RFX8: variants seen among roughly 807,000 people sequenced by gnomAD.
The protein encoded by RFX8 is DNA-binding protein RFX8.
A neutral mutation model predicts 54.6 loss-of-function variants in RFX8; 46 were observed. The ratio of observed to expected loss-of-function variants is 0.84; its 90% confidence interval spans 0.67 to 1.08. The LOEUF (loss-of-function observed/expected upper bound fraction) is 1.08, where lower values mean the gene tolerates loss of function less well. RFX8 is among the 50% of genes least tolerant of loss of function. The probability of loss-of-function intolerance (pLI) is 0.00; values close to 1 mark genes in which losing one functional copy is unlikely to be tolerated. For missense variants in RFX8, 536 were observed against 562.3 expected (o/e 0.95, Z 0.47); for synonymous variants, 192 against 209.5 (o/e 0.92, Z 0.72).
At chr2:101,452,459 G>C (rs1324619260) in intron 2 of RFX8, 2 of 1,308,704 alleles carry the variant, frequency 1.5e-6, no homozygotes, top group East Asian at 6.2e-5. Flanking sequence ...AAAAGAATAA[G>C]CCAGATTTAA....
intron 9 of RFX8, among the ~76,000 whole-genome samples, chr2:101,407,935 C>A (rs1685840800): frequency 6.6e-6 from 1 of 152,208 alleles, no homozygotes; most frequent in Admixed American, 6.5e-5. Context: ...GCATCTCTGA[C>A]AAGCCCAAAG....
chr2:101,428,838 T>C, intron 2 of RFX8: 1 of 675,610 alleles, frequency 1.5e-6, no homozygotes, highest in Non-Finnish European at 2.6e-6. Flanking sequence ...GGGTGAATGG[T>C]TAGGGGCTAC....
intron 4 of RFX8, chr2:101,421,247 G>A (rs1430224555): frequency 1.0e-6 from 1 of 985,428 alleles, no homozygotes; most frequent in Admixed American, 6.1e-5. Flanking sequence ...ATGAAACTCA[G>A]AATAGCTGAA....
chr2:101,408,211 C>T (rs899083823), intron 9 of RFX8, among the ~76,000 whole-genome samples: 3 of 151,834 alleles, frequency 2.0e-5, no homozygotes, highest in South Asian at 2.1e-4. Context: ...GCTGGCCGGG[C>T]GCGGTGGCTC....
chr2:101,411,986 T>C (rs1289368218), intron 8 of RFX8, among the ~76,000 whole-genome samples: 1 of 152,158 alleles, frequency 6.6e-6, no homozygotes, highest in Non-Finnish European at 1.5e-5. Flanking sequence ...CAATGCTGGG[T>C]GGCCCAGGGT....
chr2:101,438,352 TACC>T (rs1687901130), intron 2 of RFX8, among the ~76,000 whole-genome samples: 1 of 152,256 alleles, frequency 6.6e-6, no homozygotes, highest in Middle Eastern at 3.2e-3. Flanking sequence ...TGTGTATATG[TACC>T]ACATTTTCTT....
rs192375034 is a variant in RFX8 at position 101,429,902 on chromosome 2, C to A, written c.73-7430G>T. Among the ~76,000 whole-genome samples the A allele has an allele frequency of 1.6e-3, 241 of 152,266 alleles. 4 individuals carry two copies. The highest frequency in any genetic ancestry group is 5.2e-3 in the African/African-American group (216 of 41,556). On this transcript the variant is annotated intron_variant, in intron 2 of 11. Transcript: ENST00000428343. Reference sequence around the variant, plus strand: ...GAGGTAGAGGAAAATGGCTTTCCTTCCAAATAGGATGGTTCTACGTCCTCC... The same window carrying A: ...GAGGTAGAGGAAAATGGCTTTCCTTACAAATAGGATGGTTCTACGTCCTCC...
rs564757939 is a variant in RFX8, at chr2:101,456,359, T to C, written c.72+10418A>G. ...ATATTGGCTGTGGATTTGTCATAAA[T>C]AGCTCTTCTTATTTTGAGATACGTT... is the stretch of plus-strand genomic sequence containing the variant. On this transcript the variant is annotated intron_variant, in intron 2 of 11. Coordinates refer to ENST00000428343, the MANE Select transcript of RFX8 (RefSeq NM_001145664.2). 3.9e-5 allele frequency among the ~76,000 whole-genome samples: 6 copies of C among 152,328 alleles called. No homozygotes were observed. In the East Asian group the frequency reaches 5.8e-4, roughly 15 times the overall value.
chr2:101,425,476 T>C (rs1041997734), intron 2 of RFX8, among the ~76,000 whole-genome samples: 1 of 152,218 alleles, frequency 6.6e-6, no homozygotes, highest in Admixed American at 6.5e-5. Context: ...GCTACAGAAA[T>C]GTCTACATTT....
intron 2 of RFX8, among the ~76,000 whole-genome samples, chr2:101,457,156 G>A (rs1464850601): frequency 1.3e-5 from 2 of 152,080 alleles, no homozygotes; most frequent in East Asian, 3.8e-4. Context: ...CAAAAAACCA[G>A]CTCTTGGATT....
chr2:101,468,736 GT>G (rs566966494), intron 1 of RFX8, among the ~76,000 whole-genome samples: 2 of 151,220 alleles, frequency 1.3e-5, no homozygotes, highest in South Asian at 4.2e-4. Flanking sequence ...GTGGACATGA[GT>G]TTTTTTTGGG....
At chr2:101,446,718 G>C (rs1399634454) in intron 2 of RFX8, among the ~76,000 whole-genome samples, 1 of 151,026 alleles carries the variant, frequency 6.6e-6, no homozygotes, top group African/African-American at 2.4e-5. Flanking sequence ...CCCTCTGAGT[G>C]CCGAGTGCCT....
chr2:101,470,612 C>T (rs1173417938), intron 1 of RFX8, among the ~76,000 whole-genome samples: 2 of 151,012 alleles, frequency 1.3e-5, no homozygotes, highest in African/African-American at 4.9e-5. Flanking sequence ...TGAGACCGTT[C>T]ATGATGTTCT....
At chr2:101,463,612 C>T (rs939149038) in intron 2 of RFX8, among the ~76,000 whole-genome samples, 10 of 152,204 alleles carry the variant, frequency 6.6e-5, no homozygotes, top group Admixed American at 5.2e-4. Context: ...AGCACGTGAC[C>T]ACTGAAAAGG....
intron 1 of RFX8, among the ~76,000 whole-genome samples, chr2:101,470,141 C>T (rs910511450): frequency 2.0e-5 from 3 of 152,248 alleles, no homozygotes; most frequent in East Asian, 1.9e-4. Context: ...CACACACATA[C>T]CCCGGGCTTT....
chr2:101,409,623 C>T (rs940937922), intron 9 of RFX8, among the ~76,000 whole-genome samples: 25 of 152,268 alleles, frequency 1.6e-4, no homozygotes, highest in African/African-American at 5.3e-4. Context: ...CCTCAACCTC[C>T]CGAGTAGCTG....
At chr2:101,466,648 G>C in intron 2 of RFX8, 129 bp downstream of exon 2, 1 of 728,082 alleles carries the variant, frequency 1.4e-6, no homozygotes, top group Non-Finnish European at 2.5e-6. Flanking sequence ...TGACCAGCTG[G>C]TGGGAAGGAA....
intron 1 of RFX8, among the ~76,000 whole-genome samples, chr2:101,472,066 A>G (rs533097964): frequency 6.6e-6 from 1 of 152,268 alleles, no homozygotes; most frequent in Non-Finnish European, 1.5e-5. Context: ...CTTGATGTTG[A>G]CGTTAAAACC....
At chr2:101,465,294 C>T (rs1339926122) in intron 2 of RFX8, among the ~76,000 whole-genome samples, 1 of 152,096 alleles carries the variant, frequency 6.6e-6, no homozygotes, top group African/African-American at 2.4e-5. Flanking sequence ...ATCACGAGGT[C>T]GGGAGATCGA....
Sources: allele counts gnomAD v4.1 joint callset (sites outside exome capture counted in the v4.1 genomes callset), GRCh38; gene constraint gnomAD v4.1.1; transcripts MANE v1.5; gene names NCBI Gene and HGNC (gene_info 2026-07-23, HGNC 2026-07-21).